Variants in PRIM2 observed in about 807,000 individuals in gnomAD.
The protein encoded by PRIM2 is DNA primase large subunit.
A neutral mutation model predicts 67.3 loss-of-function variants in PRIM2; 39 were observed. The observed-to-expected ratio is 0.58, with a 90% CI of 0.45 to 0.76. The LOEUF is 0.76. Ranked by LOEUF, PRIM2 falls within the 30% of genes least tolerant of loss-of-function variation. PRIM2 has a pLI of 0.00. For synonymous variants in PRIM2, 143 were observed against 198.7 expected (o/e 0.72, Z 2.36); for missense variants, 398 against 598.7 (o/e 0.66, Z 3.50).
intron 7 of PRIM2, among the ~76,000 whole-genome samples, chr6:57,415,444 G>A (rs1315156032): frequency 2.0e-5 from 3 of 152,074 alleles, no homozygotes; most frequent in Non-Finnish European, 2.9e-5. Context: ...AAAAAACAAT[G>A]TACATACCTT....
intron 10 of PRIM2, among the ~76,000 whole-genome samples, chr6:57,564,445 C>T (rs1219596449): frequency 3.9e-5 from 6 of 152,038 alleles, no homozygotes; most frequent in Admixed American, 2.0e-4. Flanking sequence ...GTATTGTCTC[C>T]CTTTGGCTAT....
intron 12 of PRIM2, among the ~76,000 whole-genome samples, chr6:57,617,101 A>G (rs1261884118): frequency 6.6e-6 from 1 of 152,198 alleles, no homozygotes; most frequent in East Asian, 1.9e-4. Flanking sequence ...TGGCAGGTTA[A>G]TTCCTTCTGA....
At chr6:57,590,520 A>C (rs1277385241) in intron 10 of PRIM2, among the ~76,000 whole-genome samples, 7 of 152,272 alleles carry the variant, frequency 4.6e-5, no homozygotes, top group Admixed American at 3.9e-4. Context: ...ACTAAGAGGA[A>C]ATAAACGTCA....
At chr6:57,613,202 A>T (rs1292766209) in intron 12 of PRIM2, among the ~76,000 whole-genome samples, 1 of 152,210 alleles carries the variant, frequency 6.6e-6, no homozygotes, top group East Asian at 1.9e-4. Flanking sequence ...TCAGGAACTT[A>T]AAGTATAAAC....
the PRIM2 span, among the ~76,000 whole-genome samples, chr6:57,253,127 A>C: frequency 4.6e-5 from 7 of 152,166 alleles, no homozygotes; most frequent in Non-Finnish European, 7.3e-5. Flanking sequence ...CTCTGTAGGC[A>C]GCATTCCCAG....
In PRIM2 at chr6:57,592,466, C is replaced by T. The variant is rs1304648297; in HGVS notation, c.1021-8627C>T. 8.5e-4 allele frequency among the ~76,000 whole-genome samples: 130 copies of T among 152,182 alleles called. No homozygotes were observed. The East Asian group carries it at 9.1e-3, about 11-fold the overall frequency. ...ACCATTCTCACTTTATTGTTCAAGC[C>T]GACCTTGCATAATGAAGGTTTTGTT... On this transcript the variant is annotated intron_variant, in intron 10 of 13. Coordinates refer to ENST00000615550, the MANE Select transcript of PRIM2 (RefSeq NM_000947.5).
At chr6:57,617,418 T>C (rs1249566618) in intron 12 of PRIM2, among the ~76,000 whole-genome samples, 1 of 152,196 alleles carries the variant, frequency 6.6e-6, no homozygotes, top group Non-Finnish European at 1.5e-5. Context: ...ATATCTTTAT[T>C]TGAGGGACAC....
intron 7 of PRIM2, among the ~76,000 whole-genome samples, chr6:57,406,769 A>G (rs1452062033): frequency 6.6e-6 from 1 of 152,150 alleles, no homozygotes. Flanking sequence ...TATTTTTAAT[A>G]ATTTTATATT....
chr6:57,281,153 C>T, the PRIM2 span, among the ~76,000 whole-genome samples: 5 of 152,182 alleles, frequency 3.3e-5, no homozygotes, highest in Non-Finnish European at 7.4e-5. Context: ...CTTTCTGTGA[C>T]TGAATAGCAT....
chr6:57,244,168 C>G, the PRIM2 span, among the ~76,000 whole-genome samples: 13 of 152,122 alleles, frequency 8.5e-5, no homozygotes, highest in Admixed American at 7.9e-4. Context: ...GCCATATTGA[C>G]CGATCAGAAC....
At chr6:57,552,997 TACTCA>T (rs1775434225) in intron 10 of PRIM2, among the ~76,000 whole-genome samples, 1 of 152,186 alleles carries the variant, frequency 6.6e-6, no homozygotes, top group Non-Finnish European at 1.5e-5. Flanking sequence ...TTAGACAGTG[TACTCA>T]AAAACAAAAT....
At chr6:57,519,240 G>T (rs1774555715) in intron 8 of PRIM2, among the ~76,000 whole-genome samples, 1 of 152,220 alleles carries the variant, frequency 6.6e-6, no homozygotes, top group African/African-American at 2.4e-5. Flanking sequence ...GGGCACCATT[G>T]TTATTGATAG....
At chr6:57,339,843 A>G (rs1768406314) in intron 5 of PRIM2, among the ~76,000 whole-genome samples, 2 of 152,158 alleles carry the variant, frequency 1.3e-5, no homozygotes, top group South Asian at 4.1e-4. Flanking sequence ...AACAAAAGCC[A>G]AAATTGACAA....
intron 7 of PRIM2, among the ~76,000 whole-genome samples, chr6:57,492,736 T>C (rs1773926200): frequency 6.6e-6 from 1 of 152,182 alleles, no homozygotes; most frequent in African/African-American, 2.4e-5. Context: ...CAATTTGGAC[T>C]AGCCACATTT....
chr6:57,315,008 A>G (rs960752176), upstream of PRIM2: 4 of 152,246 alleles, frequency 2.6e-5, no homozygotes, highest in African/African-American at 9.6e-5. Flanking sequence ...GGGGCTTAAA[A>G]TCAGTTTTTA....
chr6:57,626,871 C>A (rs1776957441), intron 12 of PRIM2, among the ~76,000 whole-genome samples: 1 of 152,056 alleles, frequency 6.6e-6, no homozygotes, highest in Admixed American at 6.5e-5. Context: ...AGCAATCCAC[C>A]TGCCCTGGCC....
intron 7 of PRIM2, among the ~76,000 whole-genome samples, chr6:57,429,691 C>T (rs1771756597): frequency 6.6e-6 from 1 of 152,116 alleles, no homozygotes; most frequent in Non-Finnish European, 1.5e-5. Flanking sequence ...GGCCCTAATA[C>T]AGTCTGATTG....
At chr6:57,376,807 T>G (rs4294004) in intron 5 of PRIM2, among the ~76,000 whole-genome samples, 1 of 152,216 alleles carries the variant, frequency 6.6e-6, no homozygotes, top group Non-Finnish European at 1.5e-5. Flanking sequence ...TTTAATTCTG[T>G]TGTAAATTGT....
intron 13 of PRIM2, among the ~76,000 whole-genome samples, chr6:57,639,912 C>G (rs1291785647): frequency 2.0e-5 from 3 of 151,834 alleles, no homozygotes; most frequent in African/African-American, 7.3e-5. Context: ...GATTCTGAAA[C>G]CTGGCAGAGA....
Sources: allele counts gnomAD v4.1 joint callset (sites outside exome capture counted in the v4.1 genomes callset), GRCh38; gene constraint gnomAD v4.1.1; transcripts MANE v1.5; gene names NCBI Gene and HGNC (gene_info 2026-07-23, HGNC 2026-07-21).